MUC7: variants seen among roughly 807,000 people sequenced by gnomAD.
MUC7 encodes mucin-7.
In MUC7, 2 loss-of-function variants were observed where a neutral mutation model predicts 2.5. That is an observed-to-expected ratio of 0.81 (90% CI 0.33 to 2.55). The LOEUF (loss-of-function observed/expected upper bound fraction) is 2.55, where lower values mean the gene tolerates loss of function less well. Ranked by LOEUF, MUC7 falls within the 30% of genes most tolerant of loss-of-function variation. The pLI is 0.11. For missense variants in MUC7, 408 were observed against 455.6 expected, an observed-to-expected ratio of 0.90 and a Z score of 0.95; for synonymous variants, 133 against 173.4, an observed-to-expected ratio of 0.77 and a Z score of 1.83.
At chr4:70,444,879 C>A (rs1280168681) in intron 1 of MUC7, among the ~76,000 whole-genome samples, 1 of 152,026 alleles carries the variant, frequency 6.6e-6, no homozygotes, top group Non-Finnish European at 1.5e-5. Flanking sequence ...TGGTGAAACC[C>A]AATTTGTACT....
chr4:70,463,593 G>T (rs1386576355), intron 1 of MUC7, among the ~76,000 whole-genome samples: 1 of 152,188 alleles, frequency 6.6e-6, no homozygotes. Flanking sequence ...TTATGATGCT[G>T]TATCCCATAT....
chr4:70,442,957 T>C (rs920028611), intron 1 of MUC7, among the ~76,000 whole-genome samples: 1 of 152,178 alleles, frequency 6.6e-6, no homozygotes, highest in African/African-American at 2.4e-5. Flanking sequence ...GTCATTTAAA[T>C]TCTATTGCTT....
chr4:70,446,140 A>T (rs1278742840), intron 1 of MUC7, among the ~76,000 whole-genome samples: 3 of 152,148 alleles, frequency 2.0e-5, no homozygotes, highest in Admixed American at 2.0e-4. Context: ...AGGCTCTCAA[A>T]TCCTTAAATA....
chr4:70,473,031 C>A (rs1734880090), intron 1 of MUC7, among the ~76,000 whole-genome samples: 2 of 152,158 alleles, frequency 1.3e-5, no homozygotes, highest in African/African-American at 4.8e-5. Flanking sequence ...AAATACAATT[C>A]TCTTTTGCAA....
rs1734637560 is a variant in MUC7, at chr4:70,464,655, C to A, written c.-92-7560C>A. Among the ~76,000 whole-genome samples, 2 of 152,142 alleles carry A rather than the reference C, an allele frequency of 1.3e-5. 1 individual carries two copies. The highest frequency in any genetic ancestry group is 4.1e-4 in the South Asian group (2 of 4,824). On this transcript the variant is annotated intron_variant, in intron 1 of 3. Transcript: ENST00000413702. Reference sequence around the variant, plus strand: ...AAGAGTTTGAACTGCATGGAGCACACCAAAGCTCAGCAAAGCCACTGTAGC... The same window carrying A: ...AAGAGTTTGAACTGCATGGAGCACAACAAAGCTCAGCAAAGCCACTGTAGC...
chr4:70,467,845 G>A (rs1164467098), upstream of MUC7, among the ~76,000 whole-genome samples: 2 of 151,966 alleles, frequency 1.3e-5, no homozygotes, highest in African/African-American at 4.8e-5. Context: ...AGAGAAGATG[G>A]TACCATTCCT....
At chr4:70,462,430 G>A (rs1472545872) in intron 1 of MUC7, among the ~76,000 whole-genome samples, 4 of 152,086 alleles carry the variant, frequency 2.6e-5, no homozygotes, top group Non-Finnish European at 5.9e-5. Context: ...AACAAAATGA[G>A]TGCTCCCACA....
intron 1 of MUC7, among the ~76,000 whole-genome samples, chr4:70,461,348 A>G (rs2109726946): frequency 6.6e-6 from 1 of 152,358 alleles, no homozygotes; most frequent in East Asian, 1.9e-4. Flanking sequence ...CCCAGTGAAG[A>G]CGGGACTGAG....
intron 2 of MUC7, among the ~76,000 whole-genome samples, chr4:70,478,392 C>T (rs1207437360): frequency 6.6e-6 from 1 of 152,244 alleles, no homozygotes; most frequent in Non-Finnish European, 1.5e-5. Flanking sequence ...GAGGGGCCTT[C>T]GTGAGGCTCA....
upstream of MUC7, among the ~76,000 whole-genome samples, chr4:70,469,109 T>C (rs998959774): frequency 1.3e-5 from 2 of 152,106 alleles, no homozygotes; most frequent in Non-Finnish European, 1.5e-5. Flanking sequence ...ACCACACATC[T>C]ACAACCATCT....
At chr4:70,435,170 G>T (rs998297149) in intron 1 of MUC7, among the ~76,000 whole-genome samples, 3 of 152,192 alleles carry the variant, frequency 2.0e-5, no homozygotes, top group Non-Finnish European at 4.4e-5. Context: ...GTGCTGAGAA[G>T]AATGTATATT....
chr4:70,476,615 C>T (rs544325335), intron 2 of MUC7, among the ~76,000 whole-genome samples: 20 of 152,124 alleles, frequency 1.3e-4, no homozygotes, highest in Admixed American at 4.6e-4. Flanking sequence ...GGTGAAACAT[C>T]GTCTCTACTA....
chr4:70,465,271 A>G (rs1444369948), intron 1 of MUC7, among the ~76,000 whole-genome samples: 1 of 152,226 alleles, frequency 6.6e-6, no homozygotes, highest in Non-Finnish European at 1.5e-5. Context: ...GACCAATGGT[A>G]GATAAATCCA....
intron 1 of MUC7, among the ~76,000 whole-genome samples, chr4:70,464,585 G>C (rs1167429999): frequency 6.6e-6 from 1 of 152,144 alleles, no homozygotes; most frequent in African/African-American, 2.4e-5. Context: ...CCATTACTGA[G>C]GCTTGAGTAG....
intron 2 of MUC7, among the ~76,000 whole-genome samples, chr4:70,476,473 A>G (rs1735004474): frequency 6.6e-6 from 1 of 152,216 alleles, no homozygotes; most frequent in African/African-American, 2.4e-5. Flanking sequence ...CCAAATCTCA[A>G]AAAAGTGCCT....
At chr4:70,469,501 C>A (rs934915453), upstream of MUC7, among the ~76,000 whole-genome samples, 1 of 152,174 alleles carries the variant, frequency 6.6e-6, no homozygotes, top group African/African-American at 2.4e-5. Flanking sequence ...TTTTTGCAAT[C>A]TATCCATCTG....
intron 1 of MUC7, among the ~76,000 whole-genome samples, chr4:70,450,051 C>T (rs189469779): frequency 1.1e-4 from 16 of 152,360 alleles, no homozygotes; most frequent in South Asian, 2.1e-4. Flanking sequence ...TGAGGTCCGC[C>T]ATTCCCCAGA....
chr4:70,457,210 A>AG (rs1464155080), intron 1 of MUC7, among the ~76,000 whole-genome samples: 1 of 152,126 alleles, frequency 6.6e-6, no homozygotes, highest in African/African-American at 2.4e-5. Context: ...TGGGAAGCCA[A>AG]GGGGGGAGGA....
intron 1 of MUC7, among the ~76,000 whole-genome samples, chr4:70,473,443 C>CAA (rs60361215): frequency 2.4e-5 from 3 of 126,746 alleles, no homozygotes; most frequent in East Asian, 2.2e-4. Context: ...GACTCTGTCT[C>CAA]AAAAAAAAAA....
Sources: allele counts gnomAD v4.1 joint callset (sites outside exome capture counted in the v4.1 genomes callset), GRCh38; gene constraint gnomAD v4.1.1; transcripts MANE v1.5; gene names NCBI Gene and HGNC (gene_info 2026-07-23, HGNC 2026-07-21).